The following TMEM74 variants were observed in gnomAD, a reference collection of about 807,000 sequenced individuals.
The protein encoded by TMEM74 is transmembrane protein 74.
A neutral mutation model predicts 18.1 loss-of-function variants in TMEM74; 13 were observed. The ratio of observed to expected loss-of-function variants is 0.72; its 90% CI spans 0.47 to 1.14. TMEM74 has a LOEUF of 1.14. Ranked by LOEUF, TMEM74 falls within the 50% of genes most tolerant of loss-of-function variation. TMEM74 has a pLI of 0.00. For missense variants in TMEM74, 372 were observed against 375.9 expected, an observed-to-expected ratio of 0.99 and a Z score of 0.09; for synonymous variants, 159 against 146.6, an observed-to-expected ratio of 1.08 and a Z score of -0.61.
At chr8:108,776,732 A>G (rs1185464449), downstream of TMEM74, among the ~76,000 whole-genome samples, 1 of 122,196 alleles carries the variant, frequency 8.2e-6, no homozygotes, top group Non-Finnish European at 1.9e-5. Flanking sequence ...TTTCCACATG[A>G]TGATGATGAT....
chr8:108,614,579 A>C (rs1377467981), intron 2 of TMEM74, among the ~76,000 whole-genome samples: 1 of 152,218 alleles, frequency 6.6e-6, no homozygotes, highest in Non-Finnish European at 1.5e-5. Flanking sequence ...CTTATGTAAC[A>C]TGTGAATGCT....
chr8:108,766,098 T>C (rs1053601174), intron 1 of TMEM74, among the ~76,000 whole-genome samples: 8 of 152,156 alleles, frequency 5.3e-5, no homozygotes, highest in African/African-American at 1.9e-4. Flanking sequence ...AATGACCTCA[T>C]CCAGCAGGAT....
chr8:108,622,379 A>G, intron 2 of TMEM74, among the ~76,000 whole-genome samples: 2 of 152,240 alleles, frequency 1.3e-5, no homozygotes, highest in Middle Eastern at 6.8e-3. Context: ...CTTGCTCAAG[A>G]TCCCACAACT....
intron 1 of TMEM74, among the ~76,000 whole-genome samples, chr8:108,659,021 C>A (rs1284166126): frequency 6.6e-6 from 1 of 152,116 alleles, no homozygotes; most frequent in Non-Finnish European, 1.5e-5. Context: ...TAGGGCAGAT[C>A]TGTCACAATA....
chr8:108,695,677 ATCT>A (rs760182865), intron 1 of TMEM74, among the ~76,000 whole-genome samples: 1 of 152,104 alleles, frequency 6.6e-6, no homozygotes, highest in Non-Finnish European at 1.5e-5. Context: ...CCCCACCTTG[ATCT>A]TCTCCCAATT....
intron 2 of TMEM74, among the ~76,000 whole-genome samples, chr8:108,637,509 A>G (rs1307391950): frequency 1.3e-5 from 2 of 152,104 alleles, no homozygotes; most frequent in Non-Finnish European, 2.9e-5. Flanking sequence ...TTTATAAGGC[A>G]GGCAGAAAGG....
chr8:108,758,889 A>C (rs1338617243), intron 1 of TMEM74, among the ~76,000 whole-genome samples: 8 of 152,188 alleles, frequency 5.3e-5, no homozygotes, highest in Middle Eastern at 3.4e-3. Flanking sequence ...AATCAAAGCT[A>C]TATAGATAAA....
intron 1 of TMEM74, among the ~76,000 whole-genome samples, chr8:108,749,647 T>C (rs1321550870): frequency 6.6e-6 from 1 of 152,136 alleles, no homozygotes; most frequent in Non-Finnish European, 1.5e-5. Flanking sequence ...TTTATTTCTT[T>C]CTCTTACCTT....
chr8:108,711,449 C>T (rs1345790801), intron 1 of TMEM74, among the ~76,000 whole-genome samples: 1 of 152,202 alleles, frequency 6.6e-6, no homozygotes, highest in South Asian at 2.1e-4. Flanking sequence ...CACCTCAGTT[C>T]CTTCTTAACT....
At chr8:108,708,657 T>A (rs551285350) in intron 1 of TMEM74, among the ~76,000 whole-genome samples, 1 of 152,102 alleles carries the variant, frequency 6.6e-6, no homozygotes, top group African/African-American at 2.4e-5. Flanking sequence ...GCTGCATATA[T>A]GCCTTCTTTT....
At chr8:108,667,391 G>T (rs1673172472) in intron 1 of TMEM74, among the ~76,000 whole-genome samples, 1 of 152,072 alleles carries the variant, frequency 6.6e-6, no homozygotes. Flanking sequence ...CAATACAAAT[G>T]CTACCTTTAG....
chr8:108,673,797 T>C (rs755934841), intron 1 of TMEM74, among the ~76,000 whole-genome samples: 3 of 152,144 alleles, frequency 2.0e-5, no homozygotes, highest in Non-Finnish European at 4.4e-5. Context: ...AGAACAGATA[T>C]TATTGTCTTT....
chr8:108,630,421 G>A (rs572815193), intron 2 of TMEM74, among the ~76,000 whole-genome samples: 16 of 151,964 alleles, frequency 1.1e-4, no homozygotes, highest in Non-Finnish European at 2.4e-4. Context: ...ACAGATCGAC[G>A]AGACAGAAAA....
intron 1 of TMEM74, among the ~76,000 whole-genome samples, chr8:108,756,548 A>AAAAGAAAG (rs57444896): frequency 0.032 from 1,440 of 44,848 alleles, 71 homozygotes; most frequent in East Asian, 0.11. Context: ...CACTGTAAAG[A>AAAAGAAAG]AAAGAAAGAA....
chr8:108,684,107 G>C (rs1168712555), intron 1 of TMEM74, among the ~76,000 whole-genome samples: 2 of 151,906 alleles, frequency 1.3e-5, no homozygotes, highest in African/African-American at 4.8e-5. Flanking sequence ...CCTTTGCTTT[G>C]GATAAATTAC....
chr8:108,666,240 A>T (rs1160059929), intron 1 of TMEM74, among the ~76,000 whole-genome samples: 1 of 152,178 alleles, frequency 6.6e-6, no homozygotes, highest in Non-Finnish European at 1.5e-5. Context: ...GTTATCCAAT[A>T]ATCAGCTGGC....
At chr8:108,680,186 T>C (rs548194076) in intron 1 of TMEM74, among the ~76,000 whole-genome samples, 2 of 152,168 alleles carry the variant, frequency 1.3e-5, no homozygotes, top group African/African-American at 2.4e-5. Context: ...ATCATCCTGA[T>C]ACCAAAGCCT....
chr8:108,784,438 T>A lies in TMEM74; in HGVS notation c.661A>T (p.Ser221Cys), dbSNP rs749084827. The A allele has an allele frequency of 1.9e-6, 3 of 1,614,012 alleles. No homozygotes were observed. In the South Asian group the frequency reaches 3.3e-5, roughly 18 times the overall value. ...TCCAGGTGAGCCCCCAGCCTCGCAC[T>A]CTCCTTCTCCAGGCGCTCCATCTCC... is the stretch of plus-strand genomic sequence containing the variant. ...AREMERLEKESARLGAHLDRC... is the reference protein window; with the variant it reads ...AREMERLEKECARLGAHLDRC... The change falls in exon 2 of 2, where the codon AGT becomes TGT. Residue 221 changes from serine (S) to cysteine (C), a missense_variant. Ser to Cys is a moderately radical substitution (Grantham distance 112). Coordinates refer to ENST00000297459, the MANE Select transcript of TMEM74 (RefSeq NM_153015.3).
chr8:108,769,914 C>G (rs1398497668), intron 1 of TMEM74, among the ~76,000 whole-genome samples: 4 of 149,402 alleles, frequency 2.7e-5, no homozygotes, highest in South Asian at 2.1e-4. Context: ...TCTATTAACA[C>G]TTTTTGGGGC....
Sources: gnomAD v4.1 joint callset for allele counts (sites outside exome capture counted in the v4.1 genomes callset) on GRCh38, gnomAD v4.1.1 for gene constraint, MANE v1.5 for transcripts, NCBI Gene and HGNC (gene_info 2026-07-23, HGNC 2026-07-21) for gene names.